The following NCALD variants were observed in gnomAD, a reference collection of about 807,000 sequenced individuals.
NCALD encodes neurocalcin-delta.
Under a neutral mutation model 18.6 loss-of-function variants are expected in NCALD, and 10 were observed. The ratio of observed to expected loss-of-function variants is 0.54; its 90% confidence interval spans 0.33 to 0.91. The LOEUF (loss-of-function observed/expected upper bound fraction) is 0.91. Ranked by LOEUF, NCALD falls within the 40% of genes least tolerant of loss-of-function variation. NCALD has a pLI of 0.03. For synonymous variants in NCALD, 88 were observed against 87.4 expected (o/e 1.01, Z -0.04); for missense variants, 184 against 247.6 (o/e 0.74, Z 1.72).
At chr8:101,787,443 G>T (rs1183908253) in intron 1 of NCALD, among the ~76,000 whole-genome samples, 1 of 152,174 alleles carries the variant, frequency 6.6e-6, no homozygotes, top group African/African-American at 2.4e-5. Flanking sequence ...AAATGTCATA[G>T]CTCCCATTCT....
rs554591166 is a variant in NCALD, at chr8:101,978,519, G to C, written c.-157+41718C>G. Among the ~76,000 whole-genome samples the C allele has an allele frequency of 9.8e-5, 15 of 152,344 alleles. No individual in the cohort carries two copies. In the South Asian group the frequency reaches 2.9e-3, roughly 29 times the overall value. The stretch of plus-strand genomic sequence containing the variant: ...AGCACTAAGAAAGTAAGTTACCTGG[G>C]TAATAAATGGAAGACCTGGGAGGTC... On this transcript the variant is annotated intron_variant, in intron 2 of 6. Coordinates refer to the NCALD transcript ENST00000311028.
At chr8:102,088,863 A>T (rs942595266) in intron 1 of NCALD, among the ~76,000 whole-genome samples, 6 of 152,190 alleles carry the variant, frequency 3.9e-5, no homozygotes, top group African/African-American at 1.4e-4. Flanking sequence ...GACTTTGGGG[A>T]GCATCAGAAA....
At chr8:101,902,819 TG>T (rs1348014162) in intron 3 of NCALD, among the ~76,000 whole-genome samples, 2 of 152,152 alleles carry the variant, frequency 1.3e-5, no homozygotes, top group Non-Finnish European at 2.9e-5. Context: ...ATTATGACAT[TG>T]TGCACATGTG....
At chr8:102,032,952 T>C (rs1822732249) in intron 1 of NCALD, among the ~76,000 whole-genome samples, 1 of 152,190 alleles carries the variant, frequency 6.6e-6, no homozygotes, top group African/African-American at 2.4e-5. Context: ...GGGCCAGCAA[T>C]GAGTCCAGGT....
intron 2 of NCALD, among the ~76,000 whole-genome samples, chr8:101,978,031 C>T (rs2023269): frequency 0.16 from 23,582 of 151,532 alleles, 2,652 homozygotes; most frequent in African/African-American, 0.31. Context: ...GCCCCTTGTC[C>T]CCTCTCAGCA....
intron 4 of NCALD, among the ~76,000 whole-genome samples, chr8:101,798,231 T>C (rs899947203): frequency 6.6e-6 from 1 of 152,290 alleles, no homozygotes; most frequent in Non-Finnish European, 1.5e-5. Flanking sequence ...CATTTGTGGA[T>C]GAAATGATTA....
chr8:101,896,047 G>T (rs912074980), intron 3 of NCALD, among the ~76,000 whole-genome samples: 4 of 150,984 alleles, frequency 2.6e-5, no homozygotes, highest in Non-Finnish European at 4.4e-5. Flanking sequence ...AAAAGAGCCC[G>T]CATCGCCAAG....
chr8:101,940,410 G>T (rs991385501), intron 2 of NCALD, among the ~76,000 whole-genome samples: 1 of 152,216 alleles, frequency 6.6e-6, no homozygotes, highest in African/African-American at 2.4e-5. Flanking sequence ...GAGGAAATGT[G>T]TATGGAAGCA....
chr8:102,085,146 A>T (rs1478709918), intron 1 of NCALD, among the ~76,000 whole-genome samples: 1 of 152,108 alleles, frequency 6.6e-6, no homozygotes, highest in Non-Finnish European at 1.5e-5. Context: ...GGGTGTCTCA[A>T]CCTCAACACT....
intron 4 of NCALD, among the ~76,000 whole-genome samples, chr8:101,806,518 T>C (rs935907546): frequency 6.6e-5 from 10 of 152,080 alleles, no homozygotes; most frequent in Admixed American, 1.3e-4. Flanking sequence ...ATAGAAATTA[T>C]ATTAAAAAAC....
intron 1 of NCALD, among the ~76,000 whole-genome samples, chr8:102,070,866 C>A (rs1012037309): frequency 6.6e-6 from 1 of 152,148 alleles, no homozygotes; most frequent in African/African-American, 2.4e-5. Flanking sequence ...AAGCCCTCAT[C>A]CTCACCCCTT....
At chr8:101,825,570 G>A (rs1339393884) in intron 4 of NCALD, among the ~76,000 whole-genome samples, 1 of 152,182 alleles carries the variant, frequency 6.6e-6, no homozygotes, top group Non-Finnish European at 1.5e-5. Context: ...AAATCATGTT[G>A]GGCCTCCAGT....
chr8:101,755,738 G>C (rs774834479), intron 1 of NCALD, among the ~76,000 whole-genome samples: 1 of 152,130 alleles, frequency 6.6e-6, no homozygotes, highest in Non-Finnish European at 1.5e-5. Context: ...TCCAACATAA[G>C]ATAACACTCC....
chr8:102,039,395 T>C (rs941581403), intron 1 of NCALD, among the ~76,000 whole-genome samples: 6 of 152,196 alleles, frequency 3.9e-5, no homozygotes, highest in African/African-American at 1.4e-4. Context: ...TAACACAGTT[T>C]AGAGGGAAGA....
chr8:102,035,514 A>G (rs1158033488), intron 1 of NCALD, among the ~76,000 whole-genome samples: 1 of 152,190 alleles, frequency 6.6e-6, no homozygotes, highest in Non-Finnish European at 1.5e-5. Flanking sequence ...ACAGTGTACT[A>G]TGTAGCCAGA....
intron 2 of NCALD, among the ~76,000 whole-genome samples, chr8:101,937,918 T>A (rs146776028): frequency 5.0e-4 from 76 of 152,322 alleles, no homozygotes; most frequent in African/African-American, 1.8e-3. Flanking sequence ...GAAAGATAAC[T>A]GAAAGCTATG....
At chr8:102,080,456 C>G (rs912981139) in intron 1 of NCALD, among the ~76,000 whole-genome samples, 1 of 152,178 alleles carries the variant, frequency 6.6e-6, no homozygotes, top group Non-Finnish European at 1.5e-5. Flanking sequence ...TAAGTGCTGG[C>G]TCCTGGGCAA....
At chr8:101,943,897 C>T (rs1390359391) in intron 2 of NCALD, among the ~76,000 whole-genome samples, 1 of 151,874 alleles carries the variant, frequency 6.6e-6, no homozygotes, top group East Asian at 1.9e-4. Flanking sequence ...GCCGAGATCA[C>T]ACCGCTGCAC....
intron 2 of NCALD, among the ~76,000 whole-genome samples, chr8:101,985,907 TG>T (rs368043955): frequency 2.0e-5 from 3 of 152,190 alleles, no homozygotes; most frequent in African/African-American, 7.2e-5. Context: ...AAAACTATCT[TG>T]CACACTCCCG....
Sources: allele counts gnomAD v4.1 joint callset (sites outside exome capture counted in the v4.1 genomes callset), GRCh38; gene constraint gnomAD v4.1.1; transcripts MANE v1.5; gene names NCBI Gene and HGNC (gene_info 2026-07-23, HGNC 2026-07-21).